MAD1L1: variants seen among roughly 807,000 people sequenced by gnomAD.
MAD1L1 encodes mitotic spindle assembly checkpoint protein MAD1.
MAD1L1 carries 95 observed loss-of-function variants against 96.9 expected under a neutral mutation model. That is an observed-to-expected ratio of 0.98 (90% CI 0.83 to 1.16). The LOEUF is 1.16. Among genes scored for constraint, MAD1L1 ranks in the 50% most tolerant of loss-of-function variants. The pLI is 0.00. For synonymous variants in MAD1L1, 473 were observed against 396.6 expected, an observed-to-expected ratio of 1.19 and a Z score of -2.29; for missense variants, 1,007 against 954.4, an observed-to-expected ratio of 1.06 and a Z score of -0.73.
chr7:2,085,657 C>T (rs922815106), intron 11 of MAD1L1, among the ~76,000 whole-genome samples: 1 of 152,236 alleles, frequency 6.6e-6, no homozygotes, highest in African/African-American at 2.4e-5. Flanking sequence ...ATACATCAGC[C>T]TCCATCTCTT....
At chr7:1,938,244 C>T (rs1778711331) in intron 16 of MAD1L1, among the ~76,000 whole-genome samples, 2 of 149,496 alleles carry the variant, frequency 1.3e-5, no homozygotes, top group Non-Finnish European at 3.0e-5. Flanking sequence ...GAGACCCCGA[C>T]CTCACGCCAC....
At chr7:1,922,577 G>A (rs141400847) in intron 17 of MAD1L1, among the ~76,000 whole-genome samples, 1,905 of 152,262 alleles carry the variant, frequency 0.013, 33 homozygotes, top group African/African-American at 0.043. Context: ...ACATAATCAC[G>A]CCACCTGTGA....
At chr7:1,858,478 C>T (rs550461698) in intron 18 of MAD1L1, among the ~76,000 whole-genome samples, 40 of 152,370 alleles carry the variant, frequency 2.6e-4, no homozygotes, top group African/African-American at 9.1e-4. Flanking sequence ...GCGTCCACGG[C>T]GTCTCCGGCT....
intron 10 of MAD1L1, among the ~76,000 whole-genome samples, chr7:2,184,174 T>C (rs1021306824): frequency 4.6e-5 from 7 of 151,572 alleles, no homozygotes; most frequent in Admixed American, 4.6e-4. Flanking sequence ...ATGGCATGAA[T>C]CCGGGAGGCG....
At chr7:2,002,001 G>T in intron 14 of MAD1L1, 64 bp downstream of exon 14, 1 of 1,553,648 alleles carries the variant, frequency 6.4e-7, no homozygotes, top group Non-Finnish European at 8.9e-7. Context: ...ATGGGGACAG[G>T]CGTCCCTGCC....
intron 16 of MAD1L1, among the ~76,000 whole-genome samples, chr7:1,939,054 A>ACACG (rs1778798244): frequency 7.4e-6 from 1 of 136,022 alleles, no homozygotes; most frequent in Non-Finnish European, 1.6e-5. Context: ...AGGCACACAC[A>ACACG]CACACACACG....
rs186600093 is a variant in MAD1L1 at position 2,118,506 on chromosome 7, C to T, written c.1073+30646G>A. ...AGGGGTCTGCCCAGCATCCGTAGTG[C>T]GTGGCATGAACGCGGCAAGATACAC... On this transcript the variant is annotated intron_variant, in intron 11 of 18. Coordinates refer to ENST00000265854, the MANE Select transcript of MAD1L1 (RefSeq NM_001013836.2). Among the ~76,000 whole-genome samples the T allele has an allele frequency of 4.3e-4, 65 of 152,354 alleles. No individual in the cohort carries two copies. In the East Asian group the frequency reaches 9.1e-3, roughly 21 times the overall value.
intron 11 of MAD1L1, among the ~76,000 whole-genome samples, chr7:2,115,918 C>A (rs552837202): frequency 6.6e-6 from 1 of 152,358 alleles, no homozygotes; most frequent in South Asian, 2.1e-4. Context: ...AGGCCCACAC[C>A]CTCTCCTGCC....
chr7:2,081,123 G>A (rs3800882), intron 11 of MAD1L1, among the ~76,000 whole-genome samples: 65,301 of 151,474 alleles, frequency 0.43, 14,416 homozygotes, highest in African/African-American at 0.53. Context: ...CAGGACTGGG[G>A]ATGACGCAGG....
chr7:2,095,903 A>AG (rs1407302103), intron 11 of MAD1L1, among the ~76,000 whole-genome samples: 1 of 152,220 alleles, frequency 6.6e-6, no homozygotes, highest in Non-Finnish European at 1.5e-5. Flanking sequence ...GAGAGAGGCG[A>AG]GGTGTCTCCC....
At chr7:1,924,398 C>A (rs905342671) in intron 17 of MAD1L1, among the ~76,000 whole-genome samples, 1 of 152,132 alleles carries the variant, frequency 6.6e-6, no homozygotes, top group African/African-American at 2.4e-5. Context: ...CTCATCTGCA[C>A]GGAGGGGAAA....
At chr7:2,211,955 G>A (rs770620664) in intron 10 of MAD1L1, among the ~76,000 whole-genome samples, 10 of 152,194 alleles carry the variant, frequency 6.6e-5, no homozygotes, top group South Asian at 2.1e-4. Flanking sequence ...ATAAGAGGCC[G>A]CCTCGGCACC....
At chr7:1,843,296 G>A (rs1374484290) in intron 18 of MAD1L1, among the ~76,000 whole-genome samples, 2 of 152,146 alleles carry the variant, frequency 1.3e-5, no homozygotes, top group Non-Finnish European at 2.9e-5. Context: ...TCAACTAAAC[G>A]GTAACACTCT....
intron 17 of MAD1L1, among the ~76,000 whole-genome samples, chr7:1,924,784 TAG>T (rs1789000804): frequency 6.6e-6 from 1 of 152,082 alleles, no homozygotes; most frequent in Non-Finnish European, 1.5e-5. Context: ...TTTCCACATA[TAG>T]AGAGTAAGTA....
chr7:2,158,860 G>A (rs1789965972), intron 10 of MAD1L1, among the ~76,000 whole-genome samples: 2 of 151,548 alleles, frequency 1.3e-5, no homozygotes, highest in South Asian at 4.1e-4. Flanking sequence ...CCTGCCTGAG[G>A]CTGCACCTGC....
intron 11 of MAD1L1, among the ~76,000 whole-genome samples, chr7:2,094,108 C>T (rs992760927): frequency 1.3e-5 from 2 of 152,206 alleles, no homozygotes; most frequent in African/African-American, 4.8e-5. Context: ...GAGCACACGC[C>T]CAGCCATGAG....
chr7:1,888,307 ACTGC>A (rs1180199408), intron 18 of MAD1L1, among the ~76,000 whole-genome samples: 4 of 67,680 alleles, frequency 5.9e-5, no homozygotes, highest in East Asian at 1.0e-3. Flanking sequence ...CGTCTATGTG[ACTGC>A]CTATGTGTGT....
chr7:1,974,494 T>A (rs549526110), intron 15 of MAD1L1, among the ~76,000 whole-genome samples: 27 of 152,212 alleles, frequency 1.8e-4, no homozygotes, highest in African/African-American at 6.5e-4. Flanking sequence ...ACAGGATGCT[T>A]TATACATAAA....
chr7:2,167,426 G>A (rs1384823356), intron 10 of MAD1L1, among the ~76,000 whole-genome samples: 1 of 152,156 alleles, frequency 6.6e-6, no homozygotes, highest in Non-Finnish European at 1.5e-5. Flanking sequence ...GCGGGCGCCT[G>A]TAGTCCCAGC....
Sources: gnomAD v4.1 joint callset for allele counts (sites outside exome capture counted in the v4.1 genomes callset) on GRCh38, gnomAD v4.1.1 for gene constraint, MANE v1.5 for transcripts, NCBI Gene and HGNC (gene_info 2026-07-23, HGNC 2026-07-21) for gene names.